The following VWC2 variants were observed in gnomAD, a reference collection of about 807,000 sequenced individuals.
VWC2 encodes the protein brorin.
A neutral mutation model predicts 29.8 loss-of-function variants in VWC2; 14 were observed. The observed-to-expected ratio is 0.47, with a 90% CI of 0.31 to 0.74. The LOEUF (loss-of-function observed/expected upper bound fraction) is 0.74, where lower values mean the gene tolerates loss of function less well. VWC2 is among the 30% of genes least tolerant of loss of function. VWC2 has a pLI of 0.05. For synonymous variants in VWC2, 213 were observed against 199.0 expected, an observed-to-expected ratio of 1.07 and a Z score of -0.59; for missense variants, 457 against 459.8, an observed-to-expected ratio of 0.99 and a Z score of 0.05.
At position 49,799,408 on chromosome 7, in the gene VWC2, G is replaced by T. The variant is rs34595179; in HGVS notation, c.697-3303G>T. ...CTTCAGGGCCGGTGACCAGCTTGAG[G>T]GCTTCTGCCCAGGCAGAACTAGCAG... is the stretch of plus-strand genomic sequence containing the variant. On this transcript the variant is annotated intron_variant, in intron 2 of 3. Coordinates refer to ENST00000340652, the MANE Select transcript of VWC2 (RefSeq NM_198570.5). Among the ~76,000 whole-genome samples, 1,397 of 152,332 alleles carry T rather than the reference G, an allele frequency of 9.2e-3. 12 individuals are homozygous for T. Among genetic ancestry groups the T allele is most frequent in the Middle Eastern group, 0.014 (4 of 294 alleles).
At chr7:49,776,245 G>C (rs779866945) in intron 2 of VWC2, 114 bp downstream of exon 2, 87 of 936,070 alleles carry the variant, frequency 9.3e-5, no homozygotes, top group Non-Finnish European at 1.3e-4. Flanking sequence ...CTGAGAGGTG[G>C]AGAGCACTGT....
intron 2 of VWC2, among the ~76,000 whole-genome samples, chr7:49,785,819 A>C (rs1788282848): frequency 6.6e-6 from 1 of 152,210 alleles, no homozygotes; most frequent in South Asian, 2.1e-4. Context: ...TACAATAGAG[A>C]GCTGACCACC....
intron 3 of VWC2, among the ~76,000 whole-genome samples, chr7:49,906,114 G>A (rs555980465): frequency 6.6e-6 from 1 of 152,130 alleles, no homozygotes; most frequent in Non-Finnish European, 1.5e-5. Context: ...TGTCTACGGA[G>A]TAGCCATTCT....
intron 3 of VWC2, among the ~76,000 whole-genome samples, chr7:49,830,217 T>C (rs550345220): frequency 5.6e-4 from 85 of 152,274 alleles, no homozygotes; most frequent in African/African-American, 2.0e-3. Flanking sequence ...CTTTTTGTCC[T>C]TGGCAAGTTG....
At chr7:49,816,309 T>C (rs1466934109) in intron 3 of VWC2, among the ~76,000 whole-genome samples, 1 of 152,210 alleles carries the variant, frequency 6.6e-6, no homozygotes, top group Non-Finnish European at 1.5e-5. Flanking sequence ...AAAGTCATTC[T>C]GGTTAAGGGT....
intron 3 of VWC2, among the ~76,000 whole-genome samples, chr7:49,892,201 C>T (rs1013365615): frequency 6.6e-6 from 1 of 151,472 alleles, no homozygotes. Flanking sequence ...CCCACCATCA[C>T]GCCCGGCTAA....
At chr7:49,791,726 T>C (rs1462855248) in intron 2 of VWC2, among the ~76,000 whole-genome samples, 1 of 152,150 alleles carries the variant, frequency 6.6e-6, no homozygotes, top group East Asian at 1.9e-4. Context: ...CATTCCATCC[T>C]CCTCCCTCGG....
chr7:49,867,920 G>A (rs910375406), intron 3 of VWC2, among the ~76,000 whole-genome samples: 4 of 151,144 alleles, frequency 2.6e-5, no homozygotes, highest in Admixed American at 2.0e-4. Flanking sequence ...TGCAATCTCC[G>A]CCTCCCAAGT....
At chr7:49,868,873 C>G (rs1433997400) in intron 3 of VWC2, among the ~76,000 whole-genome samples, 1 of 152,210 alleles carries the variant, frequency 6.6e-6, no homozygotes, top group Non-Finnish European at 1.5e-5. Context: ...CCTGCCTCGG[C>G]CTCCCAAAGT....
intron 3 of VWC2, among the ~76,000 whole-genome samples, chr7:49,888,174 C>A (rs1791978312): frequency 6.6e-6 from 1 of 152,126 alleles, no homozygotes; most frequent in Non-Finnish European, 1.5e-5. Flanking sequence ...TTTTTCTGGA[C>A]CTTTTAAAAA....
At chr7:49,832,120 T>C (rs1317009309) in intron 3 of VWC2, among the ~76,000 whole-genome samples, 1 of 152,004 alleles carries the variant, frequency 6.6e-6, no homozygotes, top group Non-Finnish European at 1.5e-5. Context: ...GGCAGAAAAA[T>C]GGGAATTTGC....
At chr7:49,799,922 A>C (rs1788697533) in intron 2 of VWC2, among the ~76,000 whole-genome samples, 1 of 152,236 alleles carries the variant, frequency 6.6e-6, no homozygotes, top group African/African-American at 2.4e-5. Context: ...TTTGTATCTA[A>C]ACATAGAAAA....
chr7:49,850,907 A>G (rs1790150770), intron 3 of VWC2, among the ~76,000 whole-genome samples: 1 of 152,230 alleles, frequency 6.6e-6, no homozygotes, highest in Admixed American at 6.5e-5. Flanking sequence ...AGGCTGTGTG[A>G]AGTGATTGTG....
intron 3 of VWC2, among the ~76,000 whole-genome samples, chr7:49,840,123 C>T (rs1471512316): frequency 6.6e-6 from 1 of 152,168 alleles, no homozygotes; most frequent in Non-Finnish European, 1.5e-5. Context: ...ACTTTCCACC[C>T]GAGGAGAGCC....
intron 2 of VWC2, among the ~76,000 whole-genome samples, chr7:49,790,536 G>T (rs1393352590): frequency 1.3e-5 from 2 of 152,176 alleles, no homozygotes; most frequent in East Asian, 3.9e-4. Flanking sequence ...AATCCTTGTG[G>T]TGGAGGCTGG....
intron 3 of VWC2, among the ~76,000 whole-genome samples, chr7:49,846,347 A>G (rs2128714897): frequency 6.6e-6 from 1 of 152,310 alleles, no homozygotes; most frequent in African/African-American, 2.4e-5. Flanking sequence ...CACTTCTGTG[A>G]TCTGGTCTCT....
Position 49,775,749 on chromosome 7 carries a change from A to C in VWC2, c.314A>C (p.Lys105Thr). The C allele has an allele frequency of 6.6e-7, 1 of 1,511,108 alleles. No individual in the cohort carries two copies. Among genetic ancestry groups the C allele is most frequent in the Non-Finnish European group, 8.8e-7 (1 of 1,132,928 alleles). 93.6% of individuals were successfully genotyped at this position (1,511,108 alleles called of 1,614,324 possible). The change falls in exon 2 of 4, where the codon AAG becomes ACG. Residue 105 changes from lysine to threonine, a missense_variant. By Grantham distance (78) the Lys-to-Thr change is moderately conservative. Transcript: ENST00000340652. ...QAWVSQGGGAKAGDLQVRPRG... is the reference protein window; with the variant it reads ...QAWVSQGGGATAGDLQVRPRG... Reference sequence around the variant, plus strand: ...TGGGTCTCCCAGGGCGGGGGCGCCAAGGCCGGGGATCTGCAGGTCCGGCCC... The same window carrying C: ...TGGGTCTCCCAGGGCGGGGGCGCCACGGCCGGGGATCTGCAGGTCCGGCCC...
intron 3 of VWC2, among the ~76,000 whole-genome samples, chr7:49,877,757 G>T (rs1187447349): frequency 1.3e-5 from 2 of 150,402 alleles, no homozygotes; most frequent in Non-Finnish European, 3.0e-5. Flanking sequence ...GGTGTCAGCT[G>T]CTTTTATCTA....
intron 3 of VWC2, among the ~76,000 whole-genome samples, chr7:49,901,551 T>C (rs1250678069): frequency 6.6e-6 from 1 of 151,440 alleles, no homozygotes; most frequent in Non-Finnish European, 1.5e-5. Flanking sequence ...ATAGAAAAAA[T>C]CATAGAATAT....
Sources: allele counts gnomAD v4.1 joint callset (sites outside exome capture counted in the v4.1 genomes callset), GRCh38; gene constraint gnomAD v4.1.1; transcripts MANE v1.5; gene names NCBI Gene and HGNC (gene_info 2026-07-23, HGNC 2026-07-21).